The following CADPS variants were observed in gnomAD, a reference collection of about 807,000 sequenced individuals.
CADPS encodes the protein calcium dependent secretion activator, also known as calcium-dependent secretion activator 1.
A neutral mutation model predicts 167.3 loss-of-function variants in CADPS; 57 were observed. That is an observed-to-expected ratio of 0.34 (90% CI 0.28 to 0.42). The LOEUF (loss-of-function observed/expected upper bound fraction) is 0.42. Among genes scored for constraint, CADPS ranks in the 20% least tolerant of loss-of-function variants. The pLI is 1.00. For synonymous variants in CADPS, 676 were observed against 635.3 expected (o/e 1.06, Z -0.96); for missense variants, 1,414 against 1,738.1 (o/e 0.81, Z 3.32).
At chr3:62,696,692 A>G (rs1378253693) in intron 3 of CADPS, among the ~76,000 whole-genome samples, 1 of 152,058 alleles carries the variant, frequency 6.6e-6, no homozygotes, top group African/African-American at 2.4e-5. Flanking sequence ...ACTACTTTAT[A>G]TATTGCTAAC....
intron 1 of CADPS, among the ~76,000 whole-genome samples, chr3:62,768,667 C>A (rs1401497206): frequency 6.6e-6 from 1 of 151,918 alleles, no homozygotes; most frequent in Non-Finnish European, 1.5e-5. Flanking sequence ...ACTAAGGAAT[C>A]AAAAGAAATA....
At chr3:62,786,384 G>A (rs142592903) in intron 1 of CADPS, among the ~76,000 whole-genome samples, 14 of 152,200 alleles carry the variant, frequency 9.2e-5, no homozygotes, top group African/African-American at 3.4e-4. Context: ...ATCTCTAATG[G>A]TAATTCCAGC....
chr3:62,644,595 C>A (rs1022825863), intron 6 of CADPS, among the ~76,000 whole-genome samples: 1 of 152,160 alleles, frequency 6.6e-6, no homozygotes, highest in Non-Finnish European at 1.5e-5. Context: ...GCCCTGCCTG[C>A]CTCTCTGGCA....
At chr3:62,616,154 A>G (rs1472324649) in intron 6 of CADPS, among the ~76,000 whole-genome samples, 2 of 152,228 alleles carry the variant, frequency 1.3e-5, no homozygotes, top group East Asian at 3.8e-4. Context: ...ACAGAATTGT[A>G]GTCATTAATT....
At chr3:62,871,585 C>CCCAT (rs1203736939) in intron 1 of CADPS, among the ~76,000 whole-genome samples, 3 of 152,086 alleles carry the variant, frequency 2.0e-5, no homozygotes, top group Non-Finnish European at 1.5e-5. Context: ...CCATCTTTTA[C>CCCAT]CCATCTACGT....
intron 17 of CADPS, among the ~76,000 whole-genome samples, chr3:62,510,453 ATG>A (rs1393990192): frequency 2.0e-5 from 3 of 152,296 alleles, no homozygotes; most frequent in Admixed American, 6.5e-5. Flanking sequence ...TGGGTTCAGA[ATG>A]TGTGACGGTT....
intron 11 of CADPS, among the ~76,000 whole-genome samples, chr3:62,539,808 T>A (rs920264964): frequency 1.6e-4 from 24 of 152,188 alleles, no homozygotes; most frequent in Non-Finnish European, 2.8e-4. Flanking sequence ...GGAAACGGCT[T>A]ATTTAATGGG....
chr3:62,424,111 T>C (rs2149472255), intron 28 of CADPS, among the ~76,000 whole-genome samples: 2 of 152,260 alleles, frequency 1.3e-5, no homozygotes, highest in African/African-American at 4.8e-5. Context: ...CCCCATCTTC[T>C]AGAGGCACAG....
At chr3:62,520,842 T>G (rs1011900168) in intron 13 of CADPS, among the ~76,000 whole-genome samples, 1 of 152,226 alleles carries the variant, frequency 6.6e-6, no homozygotes. Context: ...ATCCCTTTTT[T>G]GTTTGATTTC....
intron 3 of CADPS, among the ~76,000 whole-genome samples, chr3:62,728,178 G>A (rs551242697): frequency 5.3e-5 from 8 of 151,686 alleles, no homozygotes; most frequent in South Asian, 2.1e-4. Context: ...GGGCAAAACC[G>A]CAATTACTTT....
intron 1 of CADPS, among the ~76,000 whole-genome samples, chr3:62,777,139 A>G (rs1298349313): frequency 6.6e-6 from 1 of 152,210 alleles, no homozygotes; most frequent in Admixed American, 6.5e-5. Flanking sequence ...GAAATCACTA[A>G]ATCACCACAC....
chr3:62,554,168 G>T (rs765567463), intron 10 of CADPS, among the ~76,000 whole-genome samples: 1 of 152,104 alleles, frequency 6.6e-6, no homozygotes, highest in South Asian at 2.1e-4. Flanking sequence ...TTATCTAATC[G>T]GATAGAAATT....
chr3:62,628,009 T>TAC (rs2064449850), intron 6 of CADPS, among the ~76,000 whole-genome samples: 1 of 152,184 alleles, frequency 6.6e-6, no homozygotes, highest in Non-Finnish European at 1.5e-5. Flanking sequence ...ATTTTCATAG[T>TAC]AGTCATATCT....
chr3:62,541,443 C>T (rs1005147054), intron 11 of CADPS, among the ~76,000 whole-genome samples: 4 of 152,060 alleles, frequency 2.6e-5, no homozygotes, highest in African/African-American at 9.7e-5. Flanking sequence ...GGATGGATAA[C>T]GCTGCTATTG....
chr3:62,772,787 G>T (rs1046184369), intron 1 of CADPS, among the ~76,000 whole-genome samples: 10 of 152,172 alleles, frequency 6.6e-5, no homozygotes, highest in African/African-American at 1.9e-4. Flanking sequence ...GTATCAGAAA[G>T]AAGGGAGAAG....
intron 6 of CADPS, among the ~76,000 whole-genome samples, chr3:62,629,712 C>T (rs1434677373): frequency 1.3e-5 from 2 of 151,422 alleles, no homozygotes; most frequent in Non-Finnish European, 2.9e-5. Flanking sequence ...TGGTCCTTGC[C>T]TATGTCTCTT....
intron 1 of CADPS, among the ~76,000 whole-genome samples, chr3:62,860,858 T>C (rs182411541): frequency 6.6e-6 from 1 of 152,188 alleles, no homozygotes; most frequent in African/African-American, 2.4e-5. Context: ...TCTTTCCACT[T>C]GGGGAGGAGT....
At chr3:62,751,017 A>T (rs1311840985) in intron 3 of CADPS, among the ~76,000 whole-genome samples, 1 of 152,136 alleles carries the variant, frequency 6.6e-6, no homozygotes, top group Non-Finnish European at 1.5e-5. Flanking sequence ...ATGAATTCCT[A>T]AAGGTAGAGC....
intron 26 of CADPS, among the ~76,000 whole-genome samples, chr3:62,464,548 G>A (rs921901643): frequency 5.3e-5 from 8 of 152,150 alleles, no homozygotes; most frequent in African/African-American, 9.7e-5. Context: ...CTGGGCCCCC[G>A]AAGCAGTCCA....
Sources: allele counts gnomAD v4.1 joint callset (sites outside exome capture counted in the v4.1 genomes callset), GRCh38; gene constraint gnomAD v4.1.1; transcripts MANE v1.5; gene names NCBI Gene and HGNC (gene_info 2026-07-23, HGNC 2026-07-21).